HMBOX1: variants seen among roughly 807,000 people sequenced by gnomAD.
The protein encoded by HMBOX1 is homeobox-containing protein 1.
A neutral mutation model predicts 54.5 loss-of-function variants in HMBOX1; 14 were observed. The observed-to-expected ratio is 0.26, with a 90% CI of 0.17 to 0.40. The LOEUF (loss-of-function observed/expected upper bound fraction) is 0.40, where lower values mean the gene tolerates loss of function less well. Among genes scored for constraint, HMBOX1 ranks in the 10% least tolerant of loss-of-function variants. HMBOX1 has a pLI of 1.00. For missense variants in HMBOX1, 332 were observed against 514.4 expected (o/e 0.65, Z 3.43); for synonymous variants, 160 against 181.0 (o/e 0.88, Z 0.93).
At chr8:28,988,750 A>G (rs1162802681) in intron 4 of HMBOX1, among the ~76,000 whole-genome samples, 1 of 151,966 alleles carries the variant, frequency 6.6e-6, no homozygotes, top group Non-Finnish European at 1.5e-5. Context: ...TGTCTGTCAA[A>G]TCTTTTGTCT....
chr8:28,897,053 C>T (rs996944454), intron 1 of HMBOX1, among the ~76,000 whole-genome samples: 1 of 148,156 alleles, frequency 6.7e-6, no homozygotes, highest in Non-Finnish European at 1.5e-5. Context: ...GGCGCGATGT[C>T]ATCTCACCGC....
intron 4 of HMBOX1, among the ~76,000 whole-genome samples, chr8:28,995,531 G>C (rs1267204963): frequency 1.3e-5 from 2 of 152,096 alleles, no homozygotes; most frequent in East Asian, 3.9e-4. Context: ...AGAACTGCTG[G>C]GTCACATGGT....
intron 1 of HMBOX1, among the ~76,000 whole-genome samples, chr8:28,957,419 G>A (rs1422305042): frequency 2.0e-5 from 3 of 152,146 alleles, no homozygotes; most frequent in Non-Finnish European, 4.4e-5. Flanking sequence ...TGGGGAAGGA[G>A]GAAATCGGGG....
Position 28,970,554 on chromosome 8 carries a change from T to C in HMBOX1, c.500+35T>C, listed in dbSNP as rs769315463. 12 of 1,332,158 alleles carry C rather than the reference T, an allele frequency of 9.0e-6. No individual in the cohort carries two copies. The highest frequency in any genetic ancestry group is 1.1e-5 in the Non-Finnish European group (11 of 965,468). 82.5% of individuals were successfully genotyped at this position (1,332,158 alleles called of 1,614,324 possible). A position where few individuals can be genotyped will look rare whatever the true frequency, so the allele number is the denominator to read the frequency against. ...TTTGCTTATTCAGAGTCCCTAAAAA[T>C]GTCTGTATTCTTAGATTGTTTTTAA... is the stretch of plus-strand genomic sequence containing the variant. On this transcript the variant is annotated intron_variant, in intron 3 of 9. Transcript: ENST00000287701. The surrounding 1 kb of genome is among the most constrained non-coding windows in gnomAD (Gnocchi z 4.3).
At chr8:28,990,035 TTGACC>T (rs575463884) in intron 4 of HMBOX1, among the ~76,000 whole-genome samples, 110 of 152,334 alleles carry the variant, frequency 7.2e-4, no homozygotes, top group South Asian at 5.6e-3. Flanking sequence ...TTTTATTATA[TTGACC>T]TGTGAACTTG....
intron 1 of HMBOX1, among the ~76,000 whole-genome samples, chr8:28,908,654 C>T (rs550177507): frequency 6.6e-6 from 1 of 152,206 alleles, no homozygotes; most frequent in African/African-American, 2.4e-5. Flanking sequence ...ATGTGGGAGG[C>T]TGAGGCAGTG....
intron 9 of HMBOX1, chr8:29,049,635 CTGCAT>C (rs1179316728): frequency 4.7e-6 from 2 of 425,978 alleles, no homozygotes; most frequent in Non-Finnish European, 8.1e-6. Context: ...CTGATTTATT[CTGCAT>C]TGCTTTTGGG....
At chr8:29,048,344 AAAC>A (rs1303233013) in intron 8 of HMBOX1, 1 of 152,242 alleles carries the variant, frequency 6.6e-6, no homozygotes, top group Non-Finnish European at 1.5e-5. Context: ...TGAACAGAGA[AAAC>A]AAAAATGCCA....
chr8:28,899,768 C>T (rs1165927821), intron 1 of HMBOX1, among the ~76,000 whole-genome samples: 2 of 151,976 alleles, frequency 1.3e-5, no homozygotes, highest in African/African-American at 4.8e-5. Context: ...CAAACCAGGG[C>T]CAAGATTTTT....
intron 6 of HMBOX1, among the ~76,000 whole-genome samples, chr8:29,036,928 G>A (rs1248364420): frequency 6.6e-6 from 1 of 152,136 alleles, no homozygotes; most frequent in Non-Finnish European, 1.5e-5. Context: ...CTGTTACATC[G>A]AAATCCAGGT....
At chr8:28,903,989 G>A (rs1813762045) in intron 1 of HMBOX1, among the ~76,000 whole-genome samples, 1 of 152,020 alleles carries the variant, frequency 6.6e-6, no homozygotes, top group Admixed American at 6.5e-5. Context: ...CAGTTTACAG[G>A]CCAATATCTC....
intron 4 of HMBOX1, among the ~76,000 whole-genome samples, chr8:28,984,091 T>C (rs1473337081): frequency 6.6e-6 from 1 of 152,122 alleles, no homozygotes. Flanking sequence ...TAGGTTAGAG[T>C]GAGTCTGAGT....
chr8:29,051,357 T>TAACCAACC lies in HMBOX1; in HGVS notation c.*213_*220dup, dbSNP rs3830316. The TAACCAACC allele has an allele frequency of 9.1e-5, 57 of 626,268 alleles. No homozygotes were observed. Among genetic ancestry groups the TAACCAACC allele is most frequent in the East Asian group, 7.1e-4 (26 of 36,464 alleles). The allele number at this position is 626,268 out of a possible 1,614,324, so 38.8% of individuals were successfully genotyped here. On this transcript the variant is annotated 3_prime_UTR_variant, in exon 10 of 10. Transcript: ENST00000287701. ...CTCAGTATTAACTCCCAGTAAATAA[T>TAACCAACC]AACCAACCAACCAACCAAACTTCCC...
At position 29,049,003 on chromosome 8, in the gene HMBOX1, C is replaced by T; in HGVS notation, c.1080C>T (p.Gly360=). The T allele has an allele frequency of 1.2e-6, 2 of 1,614,068 alleles. No individual in the cohort carries two copies. Among genetic ancestry groups the T allele is most frequent in the African/African-American group, 1.3e-5 (1 of 75,014 alleles). Residue 360 remains glycine, a synonymous_variant, in exon 9 of 10, where the codon GGC becomes GGT. Coordinates refer to ENST00000287701, the MANE Select transcript of HMBOX1 (RefSeq NM_001135726.3). ...SHGIDVQSPG[G]HSNSDDVDGN... The stretch of plus-strand genomic sequence containing the variant: ...GGATAGATGTGCAGAGTCCAGGAGG[C>T]CACTCAAACAGTGATGATGTCGACG...
intron 4 of HMBOX1, among the ~76,000 whole-genome samples, chr8:28,993,478 G>C (rs1831301963): frequency 6.6e-6 from 1 of 152,048 alleles, no homozygotes; most frequent in South Asian, 2.1e-4. Flanking sequence ...ACCAGTAAAG[G>C]CTAGCTAGGT....
At position 28,970,461 on chromosome 8, in the gene HMBOX1, A is replaced by C. The variant is rs764470731; in HGVS notation, c.442A>C (p.Ser148Arg). The C allele has an allele frequency of 6.2e-7, 1 of 1,613,752 alleles. No homozygotes were observed. Among genetic ancestry groups the C allele is most frequent in the Non-Finnish European group, 8.5e-7 (1 of 1,179,934 alleles). Residue 148 changes from serine (S) to arginine (R), a missense_variant, in exon 3 of 10, where the codon AGT becomes CGT. Physicochemically the swap from Ser to Arg is moderately radical, Grantham distance 110 (BLOSUM62 -1). Around this residue, in one of 4 missense-constraint regions of HMBOX1, gnomAD observed 117 missense variants for 220.0 expected, o/e 0.53. Coordinates refer to ENST00000287701, the MANE Select transcript of HMBOX1 (RefSeq NM_001135726.3). The surrounding 1 kb of genome is among the most constrained non-coding windows in gnomAD (Gnocchi z 4.3). ...AAACAGCATGGGTCAGAGGTCATAC[A>C]GTTTTGAAGCCTCAGAAGAGGACCT... ...HANSMGQRSY[S>R]FEASEEDLDV...
chr8:29,026,336 G>A (rs554774567), intron 6 of HMBOX1, among the ~76,000 whole-genome samples: 3 of 152,098 alleles, frequency 2.0e-5, no homozygotes, highest in Non-Finnish European at 4.4e-5. Context: ...GTAGATAAAT[G>A]TGTTACCTAG....
chr8:29,051,310 C>T lies in HMBOX1; in HGVS notation c.*155C>T. On this transcript the variant is annotated 3_prime_UTR_variant, in exon 10 of 10. Coordinates refer to ENST00000287701, the MANE Select transcript of HMBOX1 (RefSeq NM_001135726.3). Reference sequence around the variant, plus strand: ...TTGTTCTGTGAAGATGGCATGGTGCCCTCAGCCTTTGCATATACTCTCTCA... The same window carrying T: ...TTGTTCTGTGAAGATGGCATGGTGCTCTCAGCCTTTGCATATACTCTCTCA... 1 of 766,714 alleles carries T rather than the reference C, an allele frequency of 1.3e-6. No individual in the cohort carries two copies. Among genetic ancestry groups the T allele is most frequent in the Non-Finnish European group, 2.1e-6 (1 of 476,132 alleles). The allele number at this position is 766,714 out of a possible 1,614,324, so 47.5% of individuals were successfully genotyped here.
At chr8:29,040,880 T>C (rs1032529189) in intron 6 of HMBOX1, among the ~76,000 whole-genome samples, 1 of 152,166 alleles carries the variant, frequency 6.6e-6, no homozygotes, top group African/African-American at 2.4e-5. Context: ...TAAACCTTTT[T>C]AACTCAGTAC....
Sources: allele counts gnomAD v4.1 joint callset (sites outside exome capture counted in the v4.1 genomes callset), GRCh38; gene constraint gnomAD v4.1.1; regional missense constraint gnomAD v4.1.1; non-coding constraint Gnocchi (gnomAD v3.1); transcripts MANE v1.5; gene names NCBI Gene and HGNC (gene_info 2026-07-23, HGNC 2026-07-21).